CACHD1: variants seen among roughly 807,000 people sequenced by gnomAD.
CACHD1 encodes cache domain containing 1.
A neutral mutation model predicts 138.7 loss-of-function variants in CACHD1; 71 were observed. That is an observed-to-expected ratio of 0.51 (90% CI 0.42 to 0.62). The LOEUF (loss-of-function observed/expected upper bound fraction) is 0.62, where lower values mean the gene tolerates loss of function less well. CACHD1 is among the 20% of genes least tolerant of loss of function. The probability of loss-of-function intolerance (pLI) is 0.00; values close to 1 mark genes in which losing one functional copy is unlikely to be tolerated. For missense variants in CACHD1, 1,389 were observed against 1,625.3 expected (o/e 0.85, Z 2.50); for synonymous variants, 578 against 591.5 (o/e 0.98, Z 0.33).
chr1:64,550,471 T>A (rs529930393), intron 1 of CACHD1, 123 bp from the exon 2 acceptor site: 20 of 657,294 alleles, frequency 3.0e-5, no homozygotes, highest in Middle Eastern at 8.2e-4. Flanking sequence ...GTAAAATTAC[T>A]GCATTTTAAT....
In CACHD1 at chr1:64,612,470, A is replaced by G. The variant is rs553342261; in HGVS notation, c.517+9558A>G. 2.3e-3 allele frequency among the ~76,000 whole-genome samples: 346 copies of G among 152,248 alleles called. 2 individuals carry two copies. Among genetic ancestry groups the G allele is most frequent in the African/African-American group, 8.0e-3 (331 of 41,544 alleles). On this transcript the variant is annotated intron_variant, in intron 4 of 26. Coordinates refer to ENST00000651257, the MANE Select transcript of CACHD1 (RefSeq NM_020925.4). ...TGGTTACTTATCGTCGTTGTTGCTA[A>G]ATTTTATAATGAGTATGTAAGGAAA...
Position 64,654,694 on chromosome 1 carries a change from T to A in CACHD1, c.1673T>A (p.Leu558Gln). 1.2e-6 allele frequency: 2 copies of A among 1,611,924 alleles called. No individual in the cohort carries two copies. Among genetic ancestry groups the A allele is most frequent in the Admixed American group, 3.3e-5 (2 of 59,922 alleles). The change falls in exon 12 of 27, where the codon CTG (leucine) becomes CAG (glutamine). Residue 558 changes from leucine to glutamine, a missense_variant. This residue lies in a region of CACHD1 where 1,000 missense variants were observed against 1,114.7 expected (regional missense o/e 0.90). Coordinates refer to ENST00000651257, the MANE Select transcript of CACHD1 (RefSeq NM_020925.4). Reference protein sequence around the residue: ...LVRQNILSLPLGSQIIAVPVN... With the variant: ...LVRQNILSLPQGSQIIAVPVN... The stretch of plus-strand genomic sequence containing the variant: ...TCTGTTTGCCAACACAGCCTCCCTC[T>A]GGGCAGCCAGATTATCGCAGTCCCT...
In CACHD1 at chr1:64,582,212, C is replaced by G; in HGVS notation, c.318C>G (p.Asn106Lys). 6.2e-7 allele frequency: 1 copy of G among 1,614,038 alleles called. No homozygotes were observed. Among genetic ancestry groups the G allele is most frequent in the Non-Finnish European group, 8.5e-7 (1 of 1,179,918 alleles). Residue 106 changes from asparagine to lysine, a missense_variant, in exon 3 of 27, where the codon AAC becomes AAG. Physicochemically the swap from Asn to Lys is moderately conservative, Grantham distance 94. Transcript: ENST00000651257. ...GTTACTTGGATGTGGTCAATCGGAACAAGCAAGTTGTAGAAGCATCCTATA... is the reference window on the plus strand; with the variant it reads ...GTTACTTGGATGTGGTCAATCGGAAGAAGCAAGTTGTAGAAGCATCCTATA... ...FNRYLDVVNR[N>K]KQVVEASYTA...
chr1:64,580,270 G>A (rs765568988), intron 2 of CACHD1, among the ~76,000 whole-genome samples: 67 of 152,228 alleles, frequency 4.4e-4, no homozygotes, highest in Non-Finnish European at 1.6e-4. Context: ...GATGGGTGGA[G>A]AATTCAAATA....
intron 12 of CACHD1, among the ~76,000 whole-genome samples, chr1:64,656,949 A>G (rs1221220104): frequency 6.6e-6 from 1 of 152,206 alleles, no homozygotes; most frequent in Non-Finnish European, 1.5e-5. Flanking sequence ...GCTTATCCTA[A>G]GGACAATTGC....
At chr1:64,481,176 G>GTGGAAGCC (rs1646209706) in intron 1 of CACHD1, among the ~76,000 whole-genome samples, 1 of 152,132 alleles carries the variant, frequency 6.6e-6, no homozygotes, top group Admixed American at 6.5e-5. Flanking sequence ...TAATTGTAGA[G>GTGGAAGCC]TGGAAGCCAG....
chr1:64,648,255 G>A (rs1227966692), intron 9 of CACHD1, among the ~76,000 whole-genome samples: 7 of 152,070 alleles, frequency 4.6e-5, no homozygotes, highest in South Asian at 2.1e-4. Flanking sequence ...GAGGATTCTC[G>A]AATATCCAAA....
At chr1:64,550,796 G>A (rs1646753215) in intron 2 of CACHD1, 140 bp downstream of exon 2, 1 of 589,034 alleles carries the variant, frequency 1.7e-6, no homozygotes, top group Admixed American at 3.1e-5. Context: ...CATGCATAAT[G>A]GTGACAACCT....
intron 13 of CACHD1, among the ~76,000 whole-genome samples, chr1:64,662,988 C>T (rs566260012): frequency 9.2e-5 from 14 of 152,182 alleles, no homozygotes; most frequent in African/African-American, 2.2e-4. Context: ...GAATTCTCAC[C>T]GTATTTCTGT....
chr1:64,530,165 G>A (rs1214216897), intron 1 of CACHD1, among the ~76,000 whole-genome samples: 1 of 152,158 alleles, frequency 6.6e-6, no homozygotes, highest in African/African-American at 2.4e-5. Flanking sequence ...TAGTTTAATT[G>A]GAAGAACACT....
At chr1:64,580,057 A>G (rs922306561) in intron 2 of CACHD1, 31 of 151,818 alleles carry the variant, frequency 2.0e-4, no homozygotes, top group African/African-American at 7.3e-4. Flanking sequence ...GTCTAGGAAA[A>G]GAGGGTTGTT....
At position 64,675,991 on chromosome 1, in the gene CACHD1, AATT is replaced by A; in HGVS notation, c.2975+10_2975+12del. 1 of 686,548 alleles carries A rather than the reference AATT, an allele frequency of 1.5e-6. No homozygotes were observed. Among genetic ancestry groups the A allele is most frequent in the Non-Finnish European group, 2.0e-6 (1 of 491,586 alleles). 42.5% of individuals were successfully genotyped at this position (686,548 alleles called of 1,614,324 possible). A position where few individuals can be genotyped will look rare whatever the true frequency, so the allele number is the denominator to read the frequency against. On this transcript the variant is annotated intron_variant, in intron 21 of 26. Transcript: ENST00000651257. Reference sequence around the variant, plus strand: ...CACCAATGCAGAGAACCGGTAAAATAATTAATAATAATAATAATAATAATAATA... The same window carrying A: ...CACCAATGCAGAGAACCGGTAAAATAAATAATAATAATAATAATAATAATA...
intron 1 of CACHD1, among the ~76,000 whole-genome samples, chr1:64,472,386 G>T (rs535339490): frequency 3.7e-4 from 56 of 152,208 alleles, no homozygotes; most frequent in African/African-American, 1.2e-3. Flanking sequence ...CTCTACTGTG[G>T]GGAAAGACCA....
chr1:64,570,684 C>T (rs1168470300), intron 2 of CACHD1, among the ~76,000 whole-genome samples: 2 of 152,146 alleles, frequency 1.3e-5, no homozygotes, highest in Non-Finnish European at 2.9e-5. Context: ...CAAGGGAACA[C>T]ACAGAATAGT....
chr1:64,673,311 C>T (rs1649879941), intron 18 of CACHD1, 37 bp from the exon 19 acceptor site: 1 of 1,612,060 alleles, frequency 6.2e-7, no homozygotes, highest in Non-Finnish European at 8.5e-7. Flanking sequence ...CAGCTCACTA[C>T]ATGGCATATG....
chr1:64,665,922 G>T (rs534430187), intron 15 of CACHD1, 135 bp from the exon 16 acceptor site: 3 of 433,974 alleles, frequency 6.9e-6, no homozygotes, highest in Non-Finnish European at 8.2e-6. Flanking sequence ...GGAGAATGGC[G>T]TGAACCCAGG....
At position 64,641,934 on chromosome 1, in the gene CACHD1, A is replaced by G. The variant is rs751206195; in HGVS notation, c.1121A>G (p.Asn374Ser). 2 of 1,602,214 alleles carry G rather than the reference A, an allele frequency of 1.2e-6. No homozygotes were observed. Among genetic ancestry groups the G allele is most frequent in the Admixed American group, 3.5e-5 (2 of 57,278 alleles). Residue 374 changes from asparagine (N) to serine (S), a missense_variant, in exon 8 of 27, where the codon AAC becomes AGC. This residue lies in a region of CACHD1 where 1,000 missense variants were observed against 1,114.7 expected (regional missense o/e 0.90). Coordinates refer to ENST00000651257, the MANE Select transcript of CACHD1 (RefSeq NM_020925.4). ...VINEENSFLN[N>S]SVMILTYALM... ...AATGAAGAAAATAGCTTTCTAAACA[A>G]CTCTGTAATGATTCTCACCTATGCC...
intron 1 of CACHD1, among the ~76,000 whole-genome samples, chr1:64,531,124 T>G (rs1646581989): frequency 6.6e-6 from 1 of 152,164 alleles, no homozygotes; most frequent in South Asian, 2.1e-4. Context: ...GCTGGCTTCA[T>G]TCCTTAAACT....
At position 64,582,240 on chromosome 1, in the gene CACHD1, G is replaced by A. The variant is rs936400455; in HGVS notation, c.346G>A (p.Ala116Thr). 1.2e-5 allele frequency: 20 copies of A among 1,613,796 alleles called. 1 individual carries two copies. Among genetic ancestry groups the A allele is most frequent in the Admixed American group, 1.7e-5 (1 of 59,978 alleles). Residue 116 changes from alanine to threonine, a missense_variant, in exon 3 of 27, where the codon GCT (alanine) becomes ACT (threonine). Coordinates refer to ENST00000651257, the MANE Select transcript of CACHD1 (RefSeq NM_020925.4). ...GCAAGTTGTAGAAGCATCCTATACG[G>A]CTCACCTAACCTCTCCCCTAACTGC... ...NKQVVEASYT[A>T]HLTSPLTAIQ... is the part of the protein sequence containing the mutation.
Sources: gnomAD v4.1 joint callset for allele counts (sites outside exome capture counted in the v4.1 genomes callset) on GRCh38, gnomAD v4.1.1 for gene constraint, gnomAD v4.1.1 regional missense constraint, MANE v1.5 for transcripts, NCBI Gene and HGNC (gene_info 2026-07-23, HGNC 2026-07-21) for gene names.